Variants in WWC1 observed in about 807,000 individuals in gnomAD.
WWC1 encodes the protein protein KIBRA.
Under a neutral mutation model 138.4 loss-of-function variants are expected in WWC1, and 55 were observed. The observed-to-expected ratio is 0.40, with a 90% CI of 0.32 to 0.50. The LOEUF (loss-of-function observed/expected upper bound fraction) is 0.50, where lower values mean the gene tolerates loss of function less well. Ranked by LOEUF, WWC1 falls within the 20% of genes least tolerant of loss-of-function variation. The pLI is 0.72. For synonymous variants in WWC1, 524 were observed against 564.9 expected (o/e 0.93, Z 1.03); for missense variants, 1,226 against 1,420.4 (o/e 0.86, Z 2.20).
chr5:168,386,962 A>G (rs1459460626), intron 3 of WWC1, among the ~76,000 whole-genome samples: 2 of 152,166 alleles, frequency 1.3e-5, no homozygotes, highest in East Asian at 1.9e-4. Flanking sequence ...ACTGTTTCTA[A>G]TAACCAAATT....
At position 168,423,898 on chromosome 5, in the gene WWC1, G is replaced by A. The variant is rs752224494; in HGVS notation, c.1640G>A (p.Cys547Tyr). 14 of 1,613,828 alleles carry A rather than the reference G, an allele frequency of 8.7e-6. No individual in the cohort carries two copies. Among genetic ancestry groups the A allele is most frequent in the African/African-American group, 1.3e-5 (1 of 74,830 alleles). The change falls in exon 11 of 23, where the codon TGT becomes TAT. Residue 547 changes from cysteine (C) to tyrosine (Y), a missense_variant. Around this residue, in one of 3 missense-constraint regions of WWC1, gnomAD observed 1,016 missense variants for 1,153.9 expected, o/e 0.88. Transcript: ENST00000265293. Reference sequence around the variant, plus strand: ...TCTCTCTCCTCCCCCTCCCCACCCTGTTCCCCTCTCATGGCTGACCCCCTC... The same window carrying A: ...TCTCTCTCCTCCCCCTCCCCACCCTATTCCCCTCTCATGGCTGACCCCCTC... ...RSSLSSPSPP[C>Y]SPLMADPLLA...
At chr5:168,357,181 G>A (rs77873439) in intron 1 of WWC1, among the ~76,000 whole-genome samples, 2 of 151,942 alleles carry the variant, frequency 1.3e-5, no homozygotes, top group African/African-American at 4.8e-5. Flanking sequence ...TTCTTTCTTT[G>A]TTCTTTTGTG....
intron 1 of WWC1, among the ~76,000 whole-genome samples, chr5:168,360,038 AG>A (rs1418783501): frequency 6.6e-6 from 1 of 152,198 alleles, no homozygotes; most frequent in Non-Finnish European, 1.5e-5. Context: ...AGGGGTTAAA[AG>A]TGCTTACAAC....
At chr5:168,423,149 C>G (rs1014018267) in intron 10 of WWC1, among the ~76,000 whole-genome samples, 8 of 71,298 alleles carry the variant, frequency 1.1e-4, no homozygotes, top group South Asian at 1.1e-3. Flanking sequence ...CATCCCCCCC[C>G]AAAAAAAAAA....
intron 6 of WWC1, among the ~76,000 whole-genome samples, chr5:168,406,660 G>A (rs943867026): frequency 3.9e-5 from 6 of 151,988 alleles, no homozygotes; most frequent in Admixed American, 2.0e-4. Flanking sequence ...AGGGAGAGTC[G>A]GCCGGGCGCG....
In WWC1 at chr5:168,386,024, A is replaced by G. The variant is rs189863480; in HGVS notation, c.433+610A>G. Among the ~76,000 whole-genome samples the G allele has an allele frequency of 7.6e-3, 1,147 of 150,310 alleles. 13 individuals are homozygous for G. The highest frequency in any genetic ancestry group is 9.4e-3 in the Non-Finnish European group (633 of 67,646). Reference sequence around the variant, plus strand: ...CCCCAGCCCCCCTTTCTGTTTCCCTACCCCACCCTGTAATTTTCCACCTCA... The same window carrying G: ...CCCCAGCCCCCCTTTCTGTTTCCCTGCCCCACCCTGTAATTTTCCACCTCA... On this transcript the variant is annotated intron_variant, in intron 3 of 22. Transcript: ENST00000265293.
chr5:168,403,749 C>G (rs573884856), intron 5 of WWC1, among the ~76,000 whole-genome samples: 35 of 152,216 alleles, frequency 2.3e-4, no homozygotes, highest in African/African-American at 7.2e-4. Flanking sequence ...GGTGTCTGGA[C>G]AGGACCAGGA....
chr5:168,373,162 C>G lies in WWC1; in HGVS notation c.229+1629C>G, dbSNP rs74322668. Among the ~76,000 whole-genome samples, 407 of 152,264 alleles carry G rather than the reference C, an allele frequency of 2.7e-3. 1 individual carries two copies. The highest frequency in any genetic ancestry group is 9.6e-3 in the African/African-American group (397 of 41,562). On this transcript the variant is annotated intron_variant, in intron 2 of 22. Coordinates refer to ENST00000265293, the MANE Select transcript of WWC1 (RefSeq NM_015238.3). ...GCTGCATGGGATGCTGGGTTAAACA[C>G]TGATGTGCAGGAGACCTAATCAGTC...
intron 1 of WWC1, among the ~76,000 whole-genome samples, chr5:168,328,387 T>C (rs1772748046): frequency 6.6e-6 from 1 of 152,198 alleles, no homozygotes; most frequent in Admixed American, 6.5e-5. Context: ...GTCAAGATTC[T>C]TGGTTGATCT....
intron 15 of WWC1, among the ~76,000 whole-genome samples, chr5:168,432,822 G>C (rs910696160): frequency 2.0e-5 from 3 of 152,204 alleles, no homozygotes; most frequent in Admixed American, 6.5e-5. Context: ...TATGTGCAAA[G>C]GGGAAAAACA....
At chr5:168,463,339 T>C (rs1264861772) in intron 20 of WWC1, among the ~76,000 whole-genome samples, 2 of 152,192 alleles carry the variant, frequency 1.3e-5, no homozygotes, top group Non-Finnish European at 2.9e-5. Context: ...AATTTATTAC[T>C]TTGTATTATC....
chr5:168,455,634 C>A, intron 19 of WWC1, 114 bp downstream of exon 19: 2 of 1,327,688 alleles, frequency 1.5e-6, no homozygotes, highest in Non-Finnish European at 2.1e-6. Flanking sequence ...GGTATGTTAA[C>A]ACCTCAGAGC....
At chr5:168,328,571 G>T (rs1772764271) in intron 1 of WWC1, among the ~76,000 whole-genome samples, 1 of 152,040 alleles carries the variant, frequency 6.6e-6, no homozygotes, top group Non-Finnish European at 1.5e-5. Context: ...TATTGAGACG[G>T]AGTCTTGCTC....
In WWC1 at chr5:168,292,306, C is replaced by T. The variant is rs766291901; in HGVS notation, c.119+35C>T. The T allele has an allele frequency of 1.0e-5, 16 of 1,554,382 alleles. No homozygotes were observed. The African/African-American group carries it at 1.4e-4, about 13-fold the overall frequency. Reference sequence around the variant, plus strand: ...TGGAACCCTCCTCCGTGCCCCCACACCCCCGCCTGGGCCCCCACCTGCCCC... The same window carrying T: ...TGGAACCCTCCTCCGTGCCCCCACATCCCCGCCTGGGCCCCCACCTGCCCC... On this transcript the variant is annotated intron_variant, in intron 1 of 22. Transcript: ENST00000265293. This position sits in a 1 kb window ranked among gnomAD's most constrained non-coding sequence, Gnocchi z 4.4.
chr5:168,355,980 G>A (rs1325873492), intron 1 of WWC1, among the ~76,000 whole-genome samples: 1 of 152,106 alleles, frequency 6.6e-6, no homozygotes, highest in Non-Finnish European at 1.5e-5. Flanking sequence ...TCTTGGGGGG[G>A]CTGTGATGAG....
intron 7 of WWC1, 55 bp from the exon 8 acceptor site, chr5:168,409,867 A>T (rs1017870368): frequency 1.3e-6 from 2 of 1,596,440 alleles, no homozygotes. Context: ...TCGAAACCCA[A>T]CTCAGCACCG....
At chr5:168,387,600 G>A (rs956838680) in intron 3 of WWC1, among the ~76,000 whole-genome samples, 17 of 152,070 alleles carry the variant, frequency 1.1e-4, no homozygotes, top group African/African-American at 4.1e-4. Flanking sequence ...TCTGAGATTC[G>A]GGTACTAGCA....
chr5:168,385,493 C>G, intron 3 of WWC1, 79 bp downstream of exon 3: 1 of 1,428,526 alleles, frequency 7.0e-7, no homozygotes, highest in Admixed American at 2.0e-5. Flanking sequence ...TATTGCTTCT[C>G]AAGTCTGCCC....
chr5:168,363,058 C>T (rs1370255450), intron 1 of WWC1, among the ~76,000 whole-genome samples: 1 of 152,064 alleles, frequency 6.6e-6, no homozygotes. Flanking sequence ...GTGGAAAAGC[C>T]AGAATTTTGA....
Sources: allele counts gnomAD v4.1 joint callset (sites outside exome capture counted in the v4.1 genomes callset), GRCh38; gene constraint gnomAD v4.1.1; regional missense constraint gnomAD v4.1.1; non-coding constraint Gnocchi (gnomAD v3.1); transcripts MANE v1.5; gene names NCBI Gene and HGNC (gene_info 2026-07-23, HGNC 2026-07-21).